NRG3: variants seen among roughly 807,000 people sequenced by gnomAD.
NRG3 encodes the protein pro-neuregulin-3, membrane-bound isoform.
A neutral mutation model predicts 66.9 loss-of-function variants in NRG3; 31 were observed. The ratio of observed to expected loss-of-function variants is 0.46; its 90% CI spans 0.35 to 0.63. The LOEUF (loss-of-function observed/expected upper bound fraction) is 0.63. Ranked by LOEUF, NRG3 falls within the 20% of genes least tolerant of loss-of-function variation. NRG3 has a pLI of 0.00. For synonymous variants in NRG3, 393 were observed against 359.4 expected (o/e 1.09, Z -1.06); for missense variants, 910 against 878.9 (o/e 1.04, Z -0.45).
intron 1 of NRG3, among the ~76,000 whole-genome samples, chr10:82,166,325 A>C (rs1445318117): frequency 1.3e-5 from 2 of 152,126 alleles, no homozygotes; most frequent in African/African-American, 4.8e-5. Context: ...GGCCTGATTG[A>C]ATTTTTTAAT....
chr10:82,225,434 G>T (rs1315835455), intron 1 of NRG3: 2 of 152,054 alleles, frequency 1.3e-5, no homozygotes, highest in Non-Finnish European at 2.9e-5. Flanking sequence ...CTTTCTTCCA[G>T]GTAAAAGTAG....
chr10:82,055,007 GTC>G (rs1405586511), intron 1 of NRG3, among the ~76,000 whole-genome samples: 2 of 150,792 alleles, frequency 1.3e-5, no homozygotes, highest in African/African-American at 2.5e-5. Context: ...ACAAGACTCT[GTC>G]TCTCTTAAAA....
intron 8 of NRG3, among the ~76,000 whole-genome samples, chr10:82,983,543 A>G (rs187709652): frequency 6.6e-6 from 1 of 152,214 alleles, no homozygotes; most frequent in Admixed American, 6.5e-5. Context: ...GAATAAGACA[A>G]CTTGGGTTTA....
chr10:82,109,573 GTGTGTATA>G (rs919312482), intron 1 of NRG3, among the ~76,000 whole-genome samples: 36 of 132,086 alleles, frequency 2.7e-4, no homozygotes, highest in African/African-American at 6.4e-4. Flanking sequence ...GTGTGTGTGT[GTGTGTATA>G]TATATATTTT....
At chr10:82,372,872 G>T (rs2084974932) in intron 2 of NRG3, among the ~76,000 whole-genome samples, 1 of 152,198 alleles carries the variant, frequency 6.6e-6, no homozygotes, top group Admixed American at 6.5e-5. Flanking sequence ...GGGATTACGG[G>T]CATGCGCCAC....
chr10:82,872,699 T>C (rs970438138), intron 4 of NRG3, among the ~76,000 whole-genome samples: 4 of 150,984 alleles, frequency 2.6e-5, no homozygotes, highest in Non-Finnish European at 5.9e-5. Flanking sequence ...ACATAATAAG[T>C]GCTCTAAAAA....
intron 2 of NRG3, among the ~76,000 whole-genome samples, chr10:82,578,132 T>G (rs1430669013): frequency 6.6e-6 from 1 of 151,218 alleles, no homozygotes; most frequent in African/African-American, 2.4e-5. Context: ...AATATTTAAT[T>G]CATTAACGCA....
intron 1 of NRG3, among the ~76,000 whole-genome samples, chr10:82,099,470 C>T (rs906429155): frequency 1.3e-5 from 2 of 152,128 alleles, no homozygotes; most frequent in African/African-American, 4.8e-5. Flanking sequence ...ACTATGGTAG[C>T]TTTTACTAGG....
chr10:82,898,869 C>A (rs574463173), intron 4 of NRG3, among the ~76,000 whole-genome samples: 1 of 151,756 alleles, frequency 6.6e-6, no homozygotes, highest in East Asian at 2.0e-4. Context: ...CTGCAGGCAC[C>A]CCGGCTAATT....
At chr10:82,342,165 A>G (rs2082719621) in intron 1 of NRG3, among the ~76,000 whole-genome samples, 1 of 151,942 alleles carries the variant, frequency 6.6e-6, no homozygotes, top group Non-Finnish European at 1.5e-5. Context: ...TTAATCATCC[A>G]TTAATGAATA....
intron 2 of NRG3, among the ~76,000 whole-genome samples, chr10:82,486,433 G>C (rs1173026446): frequency 7.0e-6 from 1 of 142,574 alleles, no homozygotes. Flanking sequence ...TTTTTTTTTT[G>C]AGATGGAGTC....
chr10:82,473,741 T>C (rs1015180510), intron 2 of NRG3, among the ~76,000 whole-genome samples: 2 of 152,212 alleles, frequency 1.3e-5, no homozygotes, highest in East Asian at 3.9e-4. Context: ...TGCAACATCC[T>C]AACTTGTCTT....
At chr10:82,282,936 C>G (rs1004169596) in intron 1 of NRG3, among the ~76,000 whole-genome samples, 1 of 152,012 alleles carries the variant, frequency 6.6e-6, no homozygotes, top group Non-Finnish European at 1.5e-5. Flanking sequence ...GATCCTGGCC[C>G]CGGTGTTTAC....
At chr10:82,840,595 A>G (rs898343683) in intron 3 of NRG3, among the ~76,000 whole-genome samples, 2 of 152,206 alleles carry the variant, frequency 1.3e-5, no homozygotes, top group Admixed American at 6.5e-5. Flanking sequence ...TGACAAAGTC[A>G]AAGTTATTAA....
intron 7 of NRG3, 151 bp from the exon 8 acceptor site, chr10:82,978,799 C>T (rs1422983305): frequency 1.4e-6 from 1 of 702,660 alleles, no homozygotes; most frequent in Non-Finnish European, 2.4e-6. Flanking sequence ...CATTCTACCA[C>T]ATATACTTCA....
At position 82,398,639 on chromosome 10, in the gene NRG3, C is replaced by T. The variant is rs547436421; in HGVS notation, c.953+39771C>T. Among the ~76,000 whole-genome samples, 5 of 151,900 alleles carry T rather than the reference C, an allele frequency of 3.3e-5. No homozygotes were observed. In the East Asian group the frequency reaches 5.8e-4, roughly 18 times the overall value. On this transcript the variant is annotated intron_variant, in intron 2 of 8. Coordinates refer to ENST00000372141, the MANE Select transcript of NRG3 (RefSeq NM_001010848.4). ...ATTTAGGCATAGTAAGTAAACAAAC[C>T]GACATTTTAACATGTGCTTCAGAAA...
In NRG3 at chr10:82,788,237, T is replaced by C. The variant is rs561235353; in HGVS notation, c.1027+49587T>C. ...TCCTATGTTGTATTTATGCCTTATA[T>C]GGTATTTTAAGATCTTATACAGGTA... On this transcript the variant is annotated intron_variant, in intron 3 of 8. Transcript: ENST00000372141. Among the ~76,000 whole-genome samples, 6 of 152,304 alleles carry C rather than the reference T, an allele frequency of 3.9e-5. No individual in the cohort carries two copies. In the South Asian group the frequency reaches 1.2e-3, roughly 32 times the overall value.
At chr10:81,914,646 C>T (rs767578440) in intron 1 of NRG3, among the ~76,000 whole-genome samples, 6 of 151,838 alleles carry the variant, frequency 4.0e-5, no homozygotes, top group Non-Finnish European at 7.4e-5. Flanking sequence ...GTTCTAGCTA[C>T]TCAGGAGGCT....
At chr10:82,947,314 T>C (rs1020292672) in intron 4 of NRG3, among the ~76,000 whole-genome samples, 1 of 152,180 alleles carries the variant, frequency 6.6e-6, no homozygotes, top group Non-Finnish European at 1.5e-5. Context: ...CTGAGTACTA[T>C]TTCATTATAT....
Sources: gnomAD v4.1 joint callset for allele counts (sites outside exome capture counted in the v4.1 genomes callset) on GRCh38, gnomAD v4.1.1 for gene constraint, MANE v1.5 for transcripts, NCBI Gene and HGNC (gene_info 2026-07-23, HGNC 2026-07-21) for gene names.